Variants in TOP1 observed in about 807,000 individuals in gnomAD.
The protein encoded by TOP1 is DNA topoisomerase I, also known as DNA topoisomerase 1.
In TOP1, 10 loss-of-function variants were observed where a neutral mutation model predicts 111.1. The ratio of observed to expected loss-of-function variants is 0.09; its 90% CI spans 0.06 to 0.15. TOP1 has a LOEUF of 0.15. Ranked by LOEUF, TOP1 falls within the 10% of genes least tolerant of loss-of-function variation. The pLI is 1.00. For synonymous variants in TOP1, 271 were observed against 302.9 expected (o/e 0.89, Z 1.10); for missense variants, 474 against 926.7 (o/e 0.51, Z 6.34).
At chr20:41,036,832 C>CTTTTTTTTT (rs56013409) in intron 2 of TOP1, among the ~76,000 whole-genome samples, 7 of 128,230 alleles carry the variant, frequency 5.5e-5, no homozygotes, top group South Asian at 2.4e-4. Flanking sequence ...TCCTACTTTT[C>CTTTTTTTTT]TTTTTTTTTT....
At position 41,102,727 on chromosome 20, in the gene TOP1, T is replaced by C. The variant is rs1041542006; in HGVS notation, c.1308+1374T>C. On this transcript the variant is annotated intron_variant, in intron 13 of 20. Transcript: ENST00000361337. This position sits in a 1 kb window ranked among gnomAD's most constrained non-coding sequence, Gnocchi z 4.0. ...GACTAGTCATTTAAAGAAACATGTA[T>C]TCCTCTTCTGAAGTATCGCAAAGCT... Among the ~76,000 whole-genome samples the C allele has an allele frequency of 1.3e-5, 2 of 152,220 alleles. No homozygotes were observed. The highest frequency in any genetic ancestry group is 2.4e-5 in the African/African-American group (1 of 41,454).
In TOP1 at chr20:41,029,747, T is replaced by C; in HGVS notation, c.58+292T>C. 1.9e-6 allele frequency: 1 copy of C among 520,034 alleles called. No individual in the cohort carries two copies. The highest frequency in any genetic ancestry group is 3.5e-6 in the Non-Finnish European group (1 of 287,730). 32.2% of individuals were successfully genotyped at this position (520,034 alleles called of 1,614,324 possible). On this transcript the variant is annotated intron_variant, in intron 2 of 20. Coordinates refer to ENST00000361337, the MANE Select transcript of TOP1 (RefSeq NM_003286.4). The surrounding 1 kb of genome is among the most constrained non-coding windows in gnomAD (Gnocchi z 6.1). The stretch of plus-strand genomic sequence containing the variant: ...GATTCCTCCCGGGAAAGTCGCCTTG[T>C]CGACGGTCGGGACTTAGTCTCTGCG...
chr20:41,075,381 C>T (rs370956595), intron 3 of TOP1, among the ~76,000 whole-genome samples: 41 of 152,248 alleles, frequency 2.7e-4, no homozygotes, highest in South Asian at 1.2e-3. Context: ...CTGTGTTAGC[C>T]GGGATGGTCT....
chr20:41,087,574 A>C (rs1466177420), intron 8 of TOP1, among the ~76,000 whole-genome samples: 2 of 152,250 alleles, frequency 1.3e-5, no homozygotes, highest in East Asian at 3.8e-4. Flanking sequence ...ACTCATAAAT[A>C]TATGGTCAAT....
chr20:41,113,375 ATTT>A (rs2034273345), intron 14 of TOP1, among the ~76,000 whole-genome samples: 1 of 151,294 alleles, frequency 6.6e-6, no homozygotes, highest in African/African-American at 2.5e-5. Flanking sequence ...TTGCTGCCTT[ATTT>A]AATTTTTTTT....
In TOP1 at chr20:41,071,537, G is replaced by A. The variant is rs1252181251; in HGVS notation, c.156-4634G>A. Among the ~76,000 whole-genome samples, 1 of 151,976 alleles carries A rather than the reference G, an allele frequency of 6.6e-6. No homozygotes were observed. Among genetic ancestry groups the A allele is most frequent in the Non-Finnish European group, 1.5e-5 (1 of 67,980 alleles). On this transcript the variant is annotated intron_variant, in intron 3 of 20. Coordinates refer to ENST00000361337, the MANE Select transcript of TOP1 (RefSeq NM_003286.4). The surrounding 1 kb of genome is among the most constrained non-coding windows in gnomAD (Gnocchi z 4.3). ...TTTTTGTATTTTTAGTAGAAATGGG[G>A]TTTCACTGTGTTGCCCAGGCTGGTC... is the stretch of plus-strand genomic sequence containing the variant.
In TOP1 at chr20:41,116,254, A is replaced by T; in HGVS notation, c.1708-24A>T. 1.3e-6 allele frequency: 2 copies of T among 1,551,272 alleles called. No homozygotes were observed. Among genetic ancestry groups the T allele is most frequent in the Non-Finnish European group, 8.9e-7 (1 of 1,124,744 alleles). On this transcript the variant is annotated intron_variant, in intron 16 of 20. Coordinates refer to ENST00000361337, the MANE Select transcript of TOP1 (RefSeq NM_003286.4). This position sits in a 1 kb window ranked among gnomAD's most constrained non-coding sequence, Gnocchi z 5.6. Reference sequence around the variant, plus strand: ...GAGCAGGTAGTATAGCTTTGACCTAAATCTGTTGCTTTGTCTCCTCCAGAC... The same window carrying T: ...GAGCAGGTAGTATAGCTTTGACCTATATCTGTTGCTTTGTCTCCTCCAGAC...
chr20:41,092,734 T>C lies in TOP1; in HGVS notation c.730+147T>C. ...GCCATGCAATTTTGAGGAAGGGGCA[T>C]CAGGTGTTAACTCTTAAAGGCTCAT... On this transcript the variant is annotated intron_variant, in intron 9 of 20. Transcript: ENST00000361337. The surrounding 1 kb of genome is among the most constrained non-coding windows in gnomAD (Gnocchi z 4.3). 1.8e-6 allele frequency: 1 copy of C among 544,786 alleles called. No individual in the cohort carries two copies. Among genetic ancestry groups the C allele is most frequent in the Non-Finnish European group, 3.2e-6 (1 of 309,160 alleles). The allele number at this position is 544,786 out of a possible 1,614,324, so 33.7% of individuals were successfully genotyped here. A position where few individuals can be genotyped will look rare whatever the true frequency, so the allele number is the denominator to read the frequency against.
intron 11 of TOP1, among the ~76,000 whole-genome samples, chr20:41,099,572 A>G (rs536042304): frequency 6.6e-6 from 1 of 152,324 alleles, no homozygotes; most frequent in South Asian, 2.1e-4. Flanking sequence ...AGCAAGGATC[A>G]TAGTATAGAG....
rs761815900 is a variant in TOP1, at chr20:41,121,678, C to T, written c.1951-18C>T. The T allele has an allele frequency of 5.6e-6, 9 of 1,604,074 alleles. No homozygotes were observed. In the South Asian group the frequency reaches 7.7e-5, roughly 14 times the overall value. ...TTTCCTCTACAGCTCATAACCTTAC[C>T]ACTATTATTTCCCCTAGATTGATGC... On this transcript the variant is annotated intron_variant, in intron 18 of 20. Transcript: ENST00000361337. This position sits in a 1 kb window ranked among gnomAD's most constrained non-coding sequence, Gnocchi z 4.2.
chr20:41,080,121 C>T lies in TOP1; in HGVS notation c.372C>T (p.Gly124=). Residue 124 remains glycine (G), a synonymous_variant, in exon 6 of 21, where the codon GGC becomes GGT. Transcript: ENST00000361337. The surrounding 1 kb of genome is among the most constrained non-coding windows in gnomAD (Gnocchi z 5.0). ...TTAAAGATGAACCTGAAGATGATGG[C>T]TATTTTGTTCCTCCTAAAGAGGATA... ...PQIKDEPEDD[G]YFVPPKEDIK... is the part of the protein sequence containing the mutation. 1 of 1,611,422 alleles carries T rather than the reference C, an allele frequency of 6.2e-7. No individual in the cohort carries two copies. Among genetic ancestry groups the T allele is most frequent in the Non-Finnish European group, 8.5e-7 (1 of 1,178,824 alleles).
chr20:41,088,489 C>T (rs530206451), intron 8 of TOP1, among the ~76,000 whole-genome samples: 23 of 151,970 alleles, frequency 1.5e-4, no homozygotes, highest in Non-Finnish European at 2.6e-4. Flanking sequence ...GGCGACAGAG[C>T]GAGACTCTGT....
intron 6 of TOP1, 98 bp from the exon 7 acceptor site, chr20:41,081,067 T>C: frequency 9.5e-7 from 1 of 1,056,862 alleles, no homozygotes; most frequent in South Asian, 1.7e-5. Flanking sequence ...CAGTGATTAC[T>C]CTTGCCATGG....
intron 2 of TOP1, among the ~76,000 whole-genome samples, chr20:41,047,317 T>A (rs1379155874): frequency 1.3e-5 from 2 of 152,254 alleles, no homozygotes; most frequent in African/African-American, 4.8e-5. Context: ...CTCTTTTCTG[T>A]GTTGCAGATA....
In TOP1 at chr20:41,029,732, G is replaced by C; in HGVS notation, c.58+277G>C. The C allele has an allele frequency of 1.9e-6, 1 of 535,384 alleles. No homozygotes were observed. Among genetic ancestry groups the C allele is most frequent in the Non-Finnish European group, 3.4e-6 (1 of 296,286 alleles). 33.2% of individuals were successfully genotyped at this position (535,384 alleles called of 1,614,324 possible). On this transcript the variant is annotated intron_variant, in intron 2 of 20. Coordinates refer to ENST00000361337, the MANE Select transcript of TOP1 (RefSeq NM_003286.4). The surrounding 1 kb of genome is among the most constrained non-coding windows in gnomAD (Gnocchi z 6.1). ...GTCTTTCCGGGCCGGGATTCCTCCC[G>C]GGAAAGTCGCCTTGTCGACGGTCGG...
Position 41,080,579 on chromosome 20 carries a change from T to C in TOP1, c.431+399T>C, listed in dbSNP as rs1016240835. On this transcript the variant is annotated intron_variant, in intron 6 of 20. Coordinates refer to ENST00000361337, the MANE Select transcript of TOP1 (RefSeq NM_003286.4). The surrounding 1 kb of genome is among the most constrained non-coding windows in gnomAD (Gnocchi z 5.0). Reference sequence around the variant, plus strand: ...GTGAAGTTTCAGTGTGTAAAAATAATAAAACTGCTCATAAAACGGTCGAGG... The same window carrying C: ...GTGAAGTTTCAGTGTGTAAAAATAACAAAACTGCTCATAAAACGGTCGAGG... 6.6e-6 allele frequency among the ~76,000 whole-genome samples: 1 copy of C among 152,174 alleles called. No homozygotes were observed. The highest frequency in any genetic ancestry group is 1.5e-5 in the Non-Finnish European group (1 of 68,012).
chr20:41,051,718 C>T (rs1416586281), intron 2 of TOP1, among the ~76,000 whole-genome samples: 1 of 151,692 alleles, frequency 6.6e-6, no homozygotes, highest in Non-Finnish European at 1.5e-5. Flanking sequence ...CTTTTCTTTC[C>T]TGGATCTCAG....
Position 41,097,764 on chromosome 20 carries a change from G to C in TOP1, c.852+423G>C, listed in dbSNP as rs2294975. 6.6e-6 allele frequency among the ~76,000 whole-genome samples: 1 copy of C among 152,276 alleles called. No individual in the cohort carries two copies. On this transcript the variant is annotated intron_variant, in intron 10 of 20. Transcript: ENST00000361337. This position sits in a 1 kb window ranked among gnomAD's most constrained non-coding sequence, Gnocchi z 4.2. ...AAACCACATATACTATATTTGCCTA[G>C]GTGATTTTTTAAAATCTCATTATTC...
intron 2 of TOP1, among the ~76,000 whole-genome samples, chr20:41,060,834 T>G (rs2033535871): frequency 6.6e-6 from 1 of 152,214 alleles, no homozygotes; most frequent in South Asian, 2.1e-4. Flanking sequence ...AGTTGTTATA[T>G]TGTGGGGGGA....
Sources: gnomAD v4.1 joint callset for allele counts (sites outside exome capture counted in the v4.1 genomes callset) on GRCh38, gnomAD v4.1.1 for gene constraint, Gnocchi (gnomAD v3.1) non-coding constraint, MANE v1.5 for transcripts, NCBI Gene and HGNC (gene_info 2026-07-23, HGNC 2026-07-21) for gene names.